The following BLTP1 variants were observed in gnomAD, a reference collection of about 807,000 sequenced individuals.
The protein encoded by BLTP1 is bridge-like lipid transfer protein family member 1.
the BLTP1 span, chr4:122,154,951 T>C: frequency 1.1e-6 from 1 of 939,362 alleles, no homozygotes; most frequent in Non-Finnish European, 1.3e-6. Context: ...ATGGCTGAAC[T>C]CAAGTATATT....
the BLTP1 span, chr4:122,274,551 C>T: frequency 5.6e-6 from 8 of 1,429,326 alleles, no homozygotes; most frequent in Admixed American, 9.8e-5. Context: ...TTCCCAGATA[C>T]TGAGAATCCT....
chr4:122,343,930 A>G, the BLTP1 span: 2 of 906,270 alleles, frequency 2.2e-6, no homozygotes, highest in Non-Finnish European at 2.6e-6. Flanking sequence ...TTATACAACA[A>G]ACTGCGTAGA....
At chr4:122,339,569 T>A in the BLTP1 span, among the ~76,000 whole-genome samples, 5 of 152,190 alleles carry the variant, frequency 3.3e-5, no homozygotes, top group African/African-American at 1.2e-4. Flanking sequence ...ATGTTTTGAG[T>A]ATATTTCATG....
At chr4:122,283,192 T>C in the BLTP1 span, among the ~76,000 whole-genome samples, 193 of 152,320 alleles carry the variant, frequency 1.3e-3, no homozygotes, top group African/African-American at 4.5e-3. Flanking sequence ...ATATTTAAGT[T>C]TTTAATCTAT....
the BLTP1 span, chr4:122,281,848 A>G: frequency 2.1e-6 from 3 of 1,407,670 alleles, no homozygotes; most frequent in Non-Finnish European, 2.8e-6. Context: ...TTTGATAAAA[A>G]GGTAAATTTG....
chr4:122,311,110 G>A, the BLTP1 span: 2 of 159,284 alleles, frequency 1.3e-5, no homozygotes, highest in African/African-American at 4.8e-5. Flanking sequence ...AATATATTTG[G>A]AAAAAAAGGA....
the BLTP1 span, chr4:122,318,339 G>A: frequency 9.7e-5 from 115 of 1,187,348 alleles, no homozygotes; most frequent in South Asian, 7.5e-4. Context: ...TATCTACTGC[G>A]TACCAGGTAC....
the BLTP1 span, chr4:122,170,813 C>A: frequency 9.8e-7 from 1 of 1,016,688 alleles, no homozygotes; most frequent in Non-Finnish European, 1.4e-6. Context: ...AGATTTTAAA[C>A]AGTGGTTGAC....
the BLTP1 span, chr4:122,187,529 A>G: frequency 1.2e-6 from 2 of 1,603,884 alleles, no homozygotes; most frequent in South Asian, 1.1e-5. Flanking sequence ...AAATTCTGCT[A>G]CAATTACTGT....
chr4:122,274,722 C>G, the BLTP1 span: 1 of 700,470 alleles, frequency 1.4e-6, no homozygotes, highest in Non-Finnish European at 1.8e-6. Flanking sequence ...TCAGAATTTG[C>G]TCTTTCTTAA....
chr4:122,253,273 A>C, the BLTP1 span, among the ~76,000 whole-genome samples: 122 of 152,194 alleles, frequency 8.0e-4, no homozygotes, highest in Non-Finnish European at 4.3e-4. Context: ...AAACATCAAA[A>C]ACAGCCAGCA....
the BLTP1 span, chr4:122,204,640 T>G: frequency 4.5e-6 from 4 of 894,830 alleles, no homozygotes; most frequent in Non-Finnish European, 5.4e-6. Context: ...GTATTTAGTT[T>G]GACCAAAAAT....
chr4:122,159,817 A>G, the BLTP1 span, among the ~76,000 whole-genome samples: 25 of 152,222 alleles, frequency 1.6e-4, no homozygotes, highest in African/African-American at 5.1e-4. Flanking sequence ...CTGGTTTTAA[A>G]GCCTACTCTA....
chr4:122,305,856 G>T, the BLTP1 span: 7 of 1,530,440 alleles, frequency 4.6e-6, no homozygotes, highest in South Asian at 2.5e-5. Context: ...TTATTTTATT[G>T]AGCTTTAAAT....
the BLTP1 span, chr4:122,257,465 G>A: frequency 6.2e-7 from 1 of 1,614,068 alleles, no homozygotes; most frequent in South Asian, 1.1e-5. Flanking sequence ...TGATACCAGT[G>A]CTGATGGAGC....
chr4:122,246,442 A>G, the BLTP1 span: 464 of 1,032,078 alleles, frequency 4.5e-4, 2 homozygotes, highest in African/African-American at 6.9e-3. Flanking sequence ...TCTAATGTAG[A>G]TCTAATGGAA....
the BLTP1 span, chr4:122,162,644 T>TCTG: frequency 2.0e-6 from 2 of 985,204 alleles, no homozygotes; most frequent in Non-Finnish European, 2.4e-6. Flanking sequence ...GGGTCATCCT[T>TCTG]CTGCTAGCTG....
chr4:122,220,453 G>A, the BLTP1 span: 12 of 1,611,042 alleles, frequency 7.4e-6, no homozygotes, highest in African/African-American at 1.3e-5. Context: ...GAATGTGTTT[G>A]TCAGTGATAA....
chr4:122,344,917 G>A, the BLTP1 span: 1 of 985,196 alleles, frequency 1.0e-6, no homozygotes, highest in Non-Finnish European at 1.2e-6. Flanking sequence ...GTTTAAAAAT[G>A]TTTACTTGAT....
Sources: gnomAD v4.1 joint callset for allele counts (sites outside exome capture counted in the v4.1 genomes callset) on GRCh38, gnomAD v4.1.1 for gene constraint, MANE v1.5 for transcripts, NCBI Gene and HGNC (gene_info 2026-07-23, HGNC 2026-07-21) for gene names.